The following PAPPA2 variants were observed in gnomAD, a reference collection of about 807,000 sequenced individuals.
PAPPA2 encodes pappalysin 2.
PAPPA2 carries 86 observed loss-of-function variants against 176.4 expected under a neutral mutation model. The observed-to-expected ratio is 0.49, with a 90% confidence interval of 0.41 to 0.58. The LOEUF (loss-of-function observed/expected upper bound fraction) is 0.58, where lower values mean the gene tolerates loss of function less well. Among genes scored for constraint, PAPPA2 ranks in the 20% least tolerant of loss-of-function variants. The pLI, the probability that PAPPA2 is intolerant of heterozygous loss-of-function variation, is 0.00. For missense variants in PAPPA2, 2,073 were observed against 2,256.9 expected (o/e 0.92, Z 1.65); for synonymous variants, 809 against 852.2 (o/e 0.95, Z 0.88).
At chr1:176,544,973 G>A (rs1286827017) in intron 1 of PAPPA2, among the ~76,000 whole-genome samples, 1 of 152,192 alleles carries the variant, frequency 6.6e-6, no homozygotes, top group East Asian at 1.9e-4. Context: ...TCTCCAGCCA[G>A]CCAACTGCCC....
intron 1 of PAPPA2, among the ~76,000 whole-genome samples, chr1:176,526,344 C>T (rs1466577164): frequency 6.6e-6 from 1 of 152,204 alleles, no homozygotes; most frequent in African/African-American, 2.4e-5. Flanking sequence ...TTAGGTGTGA[C>T]CATGTGACAG....
chr1:176,772,615 G>C (rs1258358610), intron 17 of PAPPA2, among the ~76,000 whole-genome samples: 2 of 152,116 alleles, frequency 1.3e-5, no homozygotes, highest in African/African-American at 4.8e-5. Flanking sequence ...GAAGGGCCAG[G>C]CTGATTAGAA....
At chr1:176,607,972 T>A (rs1431674519) in intron 3 of PAPPA2, among the ~76,000 whole-genome samples, 1 of 152,196 alleles carries the variant, frequency 6.6e-6, no homozygotes, top group Non-Finnish European at 1.5e-5. Flanking sequence ...CTTACATAAG[T>A]AATAAAAACA....
At chr1:176,539,833 CAG>C (rs1650275473) in intron 1 of PAPPA2, among the ~76,000 whole-genome samples, 1 of 152,218 alleles carries the variant, frequency 6.6e-6, no homozygotes, top group Admixed American at 6.5e-5. Flanking sequence ...TGGAAAGTCA[CAG>C]AACATTTTGC....
chr1:176,643,076 A>G (rs1008514131), intron 3 of PAPPA2, among the ~76,000 whole-genome samples: 2 of 151,902 alleles, frequency 1.3e-5, no homozygotes, highest in Non-Finnish European at 2.9e-5. Context: ...AACAGCTACC[A>G]CTTATTCTAC....
intron 16 of PAPPA2, among the ~76,000 whole-genome samples, chr1:176,770,562 C>T (rs968125470): frequency 1.3e-5 from 2 of 152,060 alleles, no homozygotes; most frequent in African/African-American, 2.4e-5. Flanking sequence ...AATTTACACA[C>T]GTTAATACAT....
intron 14 of PAPPA2, among the ~76,000 whole-genome samples, chr1:176,747,666 A>T (rs925232553): frequency 6.6e-6 from 1 of 152,218 alleles, no homozygotes; most frequent in Non-Finnish European, 1.5e-5. Flanking sequence ...GTATAATAAT[A>T]TTACTATAAA....
chr1:176,560,539 G>A (rs1206819416), intron 2 of PAPPA2, among the ~76,000 whole-genome samples: 1 of 152,212 alleles, frequency 6.6e-6, no homozygotes, highest in African/African-American at 2.4e-5. Context: ...CCACTGTAGA[G>A]TCCTCTGTAA....
At chr1:176,512,259 G>A (rs898253617) in intron 1 of PAPPA2, among the ~76,000 whole-genome samples, 4 of 148,618 alleles carry the variant, frequency 2.7e-5, no homozygotes, top group African/African-American at 7.4e-5. Flanking sequence ...ATTAAGTGTT[G>A]GCAAAAATGT....
At chr1:176,531,118 C>G (rs1265993838) in intron 1 of PAPPA2, among the ~76,000 whole-genome samples, 1 of 152,160 alleles carries the variant, frequency 6.6e-6, no homozygotes, top group Non-Finnish European at 1.5e-5. Flanking sequence ...ATTTGCCAAG[C>G]AAATATGGAG....
At chr1:176,786,950 G>A (rs375013923) in intron 17 of PAPPA2, among the ~76,000 whole-genome samples, 1 of 152,096 alleles carries the variant, frequency 6.6e-6, no homozygotes, top group Admixed American at 6.5e-5. Flanking sequence ...AGGAGGGTGA[G>A]GATGGAAAAA....
intron 12 of PAPPA2, among the ~76,000 whole-genome samples, chr1:176,731,718 C>CATATATGTGTATATAT (rs1558548861): frequency 6.2e-5 from 9 of 145,954 alleles, no homozygotes; most frequent in African/African-American, 9.9e-5. Flanking sequence ...TATATATACA[C>CATATATGTGTATATAT]ACATATATGT....
chr1:176,551,829 G>A (rs1650969989), intron 1 of PAPPA2, among the ~76,000 whole-genome samples: 1 of 152,048 alleles, frequency 6.6e-6, no homozygotes, highest in African/African-American at 2.4e-5. Context: ...TTAGGGGGGT[G>A]GGTGTCTGAA....
intron 1 of PAPPA2, among the ~76,000 whole-genome samples, chr1:176,517,139 A>T (rs1335659928): frequency 2.0e-5 from 3 of 152,212 alleles, no homozygotes; most frequent in Non-Finnish European, 2.9e-5. Flanking sequence ...TTCCGTTAGT[A>T]AAATGAGCTT....
intron 8 of PAPPA2, among the ~76,000 whole-genome samples, chr1:176,701,556 T>G (rs1346105230): frequency 2.0e-5 from 3 of 152,240 alleles, no homozygotes; most frequent in Non-Finnish European, 4.4e-5. Flanking sequence ...ATTAAAATAC[T>G]TAAAAGCCAG....
rs566538953 is a variant in PAPPA2, at chr1:176,471,840, C to T, written c.-917+8422C>T. ...TTGACCTGTAGAGTTTCTTGTAGGC[C>T]GGATGTTGCTGATTGGACACTCCTG... On this transcript the variant is annotated intron_variant, in intron 1 of 22. Transcript: ENST00000367662. Among the ~76,000 whole-genome samples, 8 of 152,206 alleles carry T rather than the reference C, an allele frequency of 5.3e-5. No homozygotes were observed. The South Asian group carries it at 1.7e-3, about 32-fold the overall frequency.
At chr1:176,623,724 TTC>T (rs1373066918) in intron 3 of PAPPA2, among the ~76,000 whole-genome samples, 32 of 118,792 alleles carry the variant, frequency 2.7e-4, no homozygotes, top group South Asian at 8.8e-4. Context: ...CTTTCTTTCT[TTC>T]TCTTTCTTTC....
intron 15 of PAPPA2, among the ~76,000 whole-genome samples, chr1:176,769,251 A>G: frequency 6.6e-6 from 1 of 152,174 alleles, no homozygotes; most frequent in Non-Finnish European, 1.5e-5. Flanking sequence ...TCTGAATGCA[A>G]GTACAAGTCA....
intron 3 of PAPPA2, among the ~76,000 whole-genome samples, chr1:176,596,336 C>T (rs1221579207): frequency 6.6e-6 from 1 of 152,202 alleles, no homozygotes; most frequent in African/African-American, 2.4e-5. Context: ...ACCTATATAG[C>T]ACAGCCTCGC....
Sources: gnomAD v4.1 joint callset for allele counts (sites outside exome capture counted in the v4.1 genomes callset) on GRCh38, gnomAD v4.1.1 for gene constraint, MANE v1.5 for transcripts, NCBI Gene and HGNC (gene_info 2026-07-23, HGNC 2026-07-21) for gene names.